Variants in PCDH9 observed in about 807,000 individuals in gnomAD.
PCDH9 encodes protocadherin 9.
Under a neutral mutation model 70.6 loss-of-function variants are expected in PCDH9, and 24 were observed. The observed-to-expected ratio is 0.34, with a 90% CI of 0.25 to 0.48. PCDH9 has a LOEUF of 0.48. PCDH9 is among the 20% of genes least tolerant of loss of function. The pLI is 0.99. For missense variants in PCDH9, 1,281 were observed against 1,503.6 expected, an observed-to-expected ratio of 0.85 and a Z score of 2.45; for synonymous variants, 562 against 558.5, an observed-to-expected ratio of 1.01 and a Z score of -0.09.
At chr13:66,695,795 A>C (rs989225371) in intron 3 of PCDH9, among the ~76,000 whole-genome samples, 1 of 152,186 alleles carries the variant, frequency 6.6e-6, no homozygotes, top group Non-Finnish European at 1.5e-5. Flanking sequence ...TGAATGTGAG[A>C]TTAAATGTAG....
At chr13:66,574,766 T>C (rs1193101224) in intron 4 of PCDH9, among the ~76,000 whole-genome samples, 1 of 152,208 alleles carries the variant, frequency 6.6e-6, no homozygotes, top group Non-Finnish European at 1.5e-5. Context: ...TTCAACAAAC[T>C]GGAATGTGGC....
intron 4 of PCDH9, among the ~76,000 whole-genome samples, chr13:66,313,106 G>C (rs1566233994): frequency 6.6e-6 from 1 of 152,126 alleles, no homozygotes; most frequent in Non-Finnish European, 1.5e-5. Context: ...GTAAAGAAAA[G>C]TTTCTCTGAT....
In PCDH9 at chr13:66,616,705, G is replaced by A. The variant is rs2077360793; in HGVS notation, c.3340+14505C>T. Among the ~76,000 whole-genome samples the A allele has an allele frequency of 2.6e-5, 4 of 151,902 alleles. No homozygotes were observed. The South Asian group carries it at 8.3e-4, about 32-fold the overall frequency. On this transcript the variant is annotated intron_variant, in intron 4 of 4. Transcript: ENST00000377865. Reference sequence around the variant, plus strand: ...TTCCTTTCTGGGAAAGCAGGACCAAGGAAGCTAACCAAAGCCAAGCACCAT... The same window carrying A: ...TTCCTTTCTGGGAAAGCAGGACCAAAGAAGCTAACCAAAGCCAAGCACCAT...
intron 4 of PCDH9, among the ~76,000 whole-genome samples, chr13:66,485,535 A>G (rs2138518940): frequency 6.6e-6 from 1 of 152,242 alleles, no homozygotes; most frequent in South Asian, 2.1e-4. Flanking sequence ...CAGTTTATAT[A>G]TTCAAGGGAG....
At chr13:66,952,817 A>G (rs1360719985) in intron 2 of PCDH9, among the ~76,000 whole-genome samples, 1 of 152,096 alleles carries the variant, frequency 6.6e-6, no homozygotes, top group African/African-American at 2.4e-5. Flanking sequence ...TTAGGTTCTT[A>G]GTATAAACAA....
intron 2 of PCDH9, among the ~76,000 whole-genome samples, chr13:66,934,861 C>T (rs1460766510): frequency 6.8e-6 from 1 of 147,798 alleles, no homozygotes; most frequent in Non-Finnish European, 1.5e-5. Flanking sequence ...GCTGGGACTA[C>T]AGGCGCCCGC....
chr13:66,894,304 T>A (rs892206361), intron 3 of PCDH9, among the ~76,000 whole-genome samples: 2 of 151,966 alleles, frequency 1.3e-5, no homozygotes, highest in Non-Finnish European at 2.9e-5. Context: ...AAAAAAAAAA[T>A]TCAAATAATT....
intron 2 of PCDH9, among the ~76,000 whole-genome samples, chr13:67,084,743 G>A (rs367978989): frequency 6.6e-6 from 1 of 151,460 alleles, no homozygotes; most frequent in Non-Finnish European, 1.5e-5. Context: ...GCTGAGGGGG[G>A]GGATCACGAG....
intron 3 of PCDH9, among the ~76,000 whole-genome samples, chr13:66,666,258 A>G (rs574028484): frequency 6.6e-6 from 1 of 152,242 alleles, no homozygotes; most frequent in East Asian, 1.9e-4. Context: ...CCAGCAGACC[A>G]GACTAGGTGG....
chr13:66,551,791 C>T (rs1046389490), intron 4 of PCDH9, among the ~76,000 whole-genome samples: 1 of 152,040 alleles, frequency 6.6e-6, no homozygotes, highest in Non-Finnish European at 1.5e-5. Flanking sequence ...GAATAATTTT[C>T]TACTTTCAAA....
At chr13:66,606,950 CTG>C (rs1023643024) in intron 4 of PCDH9, among the ~76,000 whole-genome samples, 4 of 152,044 alleles carry the variant, frequency 2.6e-5, no homozygotes, top group African/African-American at 9.7e-5. Context: ...GGTAATCCTT[CTG>C]TGTTTTGTGA....
chr13:67,028,640 G>A (rs1425095614), intron 2 of PCDH9, among the ~76,000 whole-genome samples: 3 of 151,960 alleles, frequency 2.0e-5, no homozygotes, highest in Non-Finnish European at 2.9e-5. Flanking sequence ...TTTATTAAAA[G>A]TTAGTTAACC....
chr13:67,131,737 C>T (rs867538274), intron 2 of PCDH9, among the ~76,000 whole-genome samples: 1 of 152,156 alleles, frequency 6.6e-6, no homozygotes, highest in African/African-American at 2.4e-5. Context: ...CTTATTTTCA[C>T]ACAATTTTTA....
At position 66,550,626 on chromosome 13, in the gene PCDH9, G is replaced by A. The variant is rs1210092908; in HGVS notation, c.3340+80584C>T. ...TGAAGCAAACAGTAAAAAGAAGCCTGTGTCCTTGATAGCACAGAGCCCCAT... is the reference window on the plus strand; with the variant it reads ...TGAAGCAAACAGTAAAAAGAAGCCTATGTCCTTGATAGCACAGAGCCCCAT... On this transcript the variant is annotated intron_variant, in intron 4 of 4. Coordinates refer to ENST00000377865, the MANE Select transcript of PCDH9 (RefSeq NM_203487.3). Among the ~76,000 whole-genome samples the A allele has an allele frequency of 2.0e-5, 3 of 152,160 alleles. 1 individual carries two copies. Among genetic ancestry groups the A allele is most frequent in the South Asian group, 4.2e-4 (2 of 4,814 alleles).
chr13:66,956,102 A>C (rs2083262172), intron 2 of PCDH9, among the ~76,000 whole-genome samples: 1 of 151,978 alleles, frequency 6.6e-6, no homozygotes, highest in Non-Finnish European at 1.5e-5. Context: ...ATAAAAACAA[A>C]CAAAAACAGA....
At chr13:66,881,825 T>A (rs1041427741) in intron 3 of PCDH9, among the ~76,000 whole-genome samples, 1 of 152,164 alleles carries the variant, frequency 6.6e-6, no homozygotes, top group African/African-American at 2.4e-5. Flanking sequence ...ACAGTGTGTA[T>A]ATGGAATTTG....
At chr13:66,642,122 A>T (rs1457626954) in intron 3 of PCDH9, among the ~76,000 whole-genome samples, 1 of 152,126 alleles carries the variant, frequency 6.6e-6, no homozygotes, top group East Asian at 1.9e-4. Flanking sequence ...CATGTAACAA[A>T]ACTGATGCAC....
chr13:66,625,328 C>T (rs1295610711), intron 4 of PCDH9, among the ~76,000 whole-genome samples: 1 of 152,120 alleles, frequency 6.6e-6, no homozygotes, highest in Non-Finnish European at 1.5e-5. Context: ...TAGGGTACAA[C>T]ATCATTCTGT....
intron 2 of PCDH9, among the ~76,000 whole-genome samples, chr13:67,088,182 C>T (rs1307153537): frequency 2.0e-5 from 3 of 151,424 alleles, no homozygotes; most frequent in African/African-American, 7.3e-5. Flanking sequence ...ACATTTACCT[C>T]TAGTTTTGCC....
Sources: gnomAD v4.1 joint callset for allele counts (sites outside exome capture counted in the v4.1 genomes callset) on GRCh38, gnomAD v4.1.1 for gene constraint, MANE v1.5 for transcripts, NCBI Gene and HGNC (gene_info 2026-07-23, HGNC 2026-07-21) for gene names.